EEFSEC: variants seen among roughly 807,000 people sequenced by gnomAD.
EEFSEC encodes the protein selenocysteine-specific elongation factor.
EEFSEC carries 43 observed loss-of-function variants against 42.1 expected under a neutral mutation model. That is an observed-to-expected ratio of 1.02 (90% CI 0.80 to 1.32). The LOEUF (loss-of-function observed/expected upper bound fraction) is 1.32. Ranked by LOEUF, EEFSEC falls within the 40% of genes most tolerant of loss-of-function variation. The pLI, the probability that EEFSEC is intolerant of heterozygous loss-of-function variation, is 0.00. For synonymous variants in EEFSEC, 354 were observed against 339.1 expected (o/e 1.04, Z -0.48); for missense variants, 745 against 803.6 (o/e 0.93, Z 0.88).
chr3:128,203,972 T>C (rs1456330358), intron 1 of EEFSEC, among the ~76,000 whole-genome samples: 1 of 152,240 alleles, frequency 6.6e-6, no homozygotes, highest in Non-Finnish European at 1.5e-5. Context: ...ATTAGATAGT[T>C]CTCTAAGTGG....
chr3:128,153,863 G>A (rs1439030336), intron 1 of EEFSEC, 40 bp downstream of exon 1: 1 of 1,462,812 alleles, frequency 6.8e-7, no homozygotes, highest in Non-Finnish European at 8.9e-7. Flanking sequence ...TCAGGGACGC[G>A]GGCGGAGCGA....
intron 6 of EEFSEC, among the ~76,000 whole-genome samples, chr3:128,405,588 C>T (rs1294918276): frequency 1.3e-5 from 2 of 152,252 alleles, no homozygotes; most frequent in African/African-American, 4.8e-5. Flanking sequence ...CAGAAATAAC[C>T]CACACAGCCC....
At chr3:128,401,653 G>A (rs1178756392) in intron 6 of EEFSEC, among the ~76,000 whole-genome samples, 1 of 152,160 alleles carries the variant, frequency 6.6e-6, no homozygotes, top group Non-Finnish European at 1.5e-5. Flanking sequence ...TGAGAGAGAG[G>A]CCAGAAAGAG....
At chr3:128,155,426 A>C (rs979237670) in intron 1 of EEFSEC, among the ~76,000 whole-genome samples, 1 of 152,162 alleles carries the variant, frequency 6.6e-6, no homozygotes, top group African/African-American at 2.4e-5. Flanking sequence ...GACCATTATT[A>C]TACCTTTGTG....
Position 128,334,268 on chromosome 3 carries a change from GGA to G in EEFSEC, c.787-6963_787-6962del, listed in dbSNP as rs368321117. 2.1e-4 allele frequency among the ~76,000 whole-genome samples: 32 copies of G among 152,376 alleles called. No individual in the cohort carries two copies. In the South Asian group the frequency reaches 6.4e-3, roughly 31 times the overall value. The stretch of plus-strand genomic sequence containing the variant: ...GATGTGAGAGTCACACTGGTGGCGA[GGA>G]GTCCCCTGTCTTGAGTCTTCCCTCT... On this transcript the variant is annotated intron_variant, in intron 4 of 6. Coordinates refer to ENST00000254730, the MANE Select transcript of EEFSEC (RefSeq NM_021937.5).
At chr3:128,240,184 G>A (rs1478547540) in intron 1 of EEFSEC, among the ~76,000 whole-genome samples, 1 of 152,190 alleles carries the variant, frequency 6.6e-6, no homozygotes, top group Non-Finnish European at 1.5e-5. Flanking sequence ...TTGTCCACTT[G>A]TGTTTGCCTG....
intron 4 of EEFSEC, among the ~76,000 whole-genome samples, chr3:128,333,272 T>A (rs1576645828): frequency 6.6e-6 from 1 of 152,334 alleles, no homozygotes; most frequent in African/African-American, 2.4e-5. Flanking sequence ...CACTCAAGCA[T>A]CTGTTGATTC....
intron 4 of EEFSEC, among the ~76,000 whole-genome samples, chr3:128,293,528 G>T (rs930572774): frequency 2.0e-5 from 3 of 151,928 alleles, no homozygotes; most frequent in African/African-American, 7.3e-5. Flanking sequence ...AGGCGTGGTG[G>T]CATGTGCCTG....
chr3:128,393,937 G>A (rs577792272), intron 6 of EEFSEC, among the ~76,000 whole-genome samples: 3 of 152,276 alleles, frequency 2.0e-5, no homozygotes, highest in Admixed American at 6.5e-5. Context: ...GTGGACACAC[G>A]GCCAGTGGGT....
rs985742439 is a variant in EEFSEC, at chr3:128,153,597, A to G, written c.90A>G (p.Thr30=). 3.1e-6 allele frequency: 5 copies of G among 1,588,394 alleles called. No homozygotes were observed. The Admixed American group carries it at 6.8e-5, about 22-fold the overall frequency. ...KTALARALST[T]ASTAAFDKQP... is the part of the protein sequence containing the mutation. Reference sequence around the variant, plus strand: ...CGCTGGCGCGGGCGCTAAGCACCACAGCCTCCACCGCCGCCTTTGACAAGC... The same window carrying G: ...CGCTGGCGCGGGCGCTAAGCACCACGGCCTCCACCGCCGCCTTTGACAAGC... Residue 30 remains threonine (T), a synonymous_variant, in exon 1 of 7, where the codon ACA becomes ACG. Transcript: ENST00000254730.
rs200222316 is a variant in EEFSEC at position 128,358,363 on chromosome 3, C to G, written c.1590C>G (p.Ile530Met). Residue 530 changes from isoleucine to methionine, a missense_variant, in exon 6 of 7, where the codon ATC becomes ATG. By Grantham distance (10) the Ile-to-Met change is conservative. Transcript: ENST00000254730. ...TCGGCCAGAGCGGCAAGTTCAAGAT[C>G]CACATCCCAGGTAAGTGCAGCCACT... Reference protein sequence around the residue: ...SAFGQSGKFKIHIPGGLSPES... With the variant: ...SAFGQSGKFKMHIPGGLSPES... The G allele has an allele frequency of 1.2e-6, 2 of 1,614,114 alleles. No homozygotes were observed. The highest frequency in any genetic ancestry group is 3.3e-5 in the Admixed American group (2 of 60,006).
the EEFSEC span, among the ~76,000 whole-genome samples, chr3:128,418,638 C>G: frequency 6.6e-6 from 1 of 151,432 alleles, no homozygotes; most frequent in Non-Finnish European, 1.5e-5. Flanking sequence ...TCTGCTCACA[C>G]CCCAACTCTG....
At chr3:128,227,095 C>T (rs1030774264) in intron 1 of EEFSEC, among the ~76,000 whole-genome samples, 2 of 152,238 alleles carry the variant, frequency 1.3e-5, no homozygotes, top group African/African-American at 2.4e-5. Flanking sequence ...CTTCACAGTG[C>T]AGTGTGTTCC....
chr3:128,162,999 G>A (rs536201273), intron 1 of EEFSEC, among the ~76,000 whole-genome samples: 4 of 152,206 alleles, frequency 2.6e-5, no homozygotes, highest in South Asian at 2.1e-4. Context: ...AATAGGATTC[G>A]GGCAGGCATC....
At chr3:128,305,587 A>G (rs1487076098) in intron 4 of EEFSEC, among the ~76,000 whole-genome samples, 1 of 152,204 alleles carries the variant, frequency 6.6e-6, no homozygotes, top group East Asian at 1.9e-4. Flanking sequence ...ATTTTGACAT[A>G]ACATTTTCCT....
At chr3:128,162,798 C>T (rs1319720285) in intron 1 of EEFSEC, among the ~76,000 whole-genome samples, 1 of 152,148 alleles carries the variant, frequency 6.6e-6, no homozygotes, top group African/African-American at 2.4e-5. Context: ...AATGCAAAGA[C>T]TCTGGCTTCT....
rs970122425 is a variant in EEFSEC at position 128,289,243 on chromosome 3, C to T, written c.786+24462C>T. Among the ~76,000 whole-genome samples, 4 of 152,304 alleles carry T rather than the reference C, an allele frequency of 2.6e-5. No homozygotes were observed. The East Asian group carries it at 7.7e-4, about 29-fold the overall frequency. ...TAAATGCTGATTCCTGGGACAGTTC[C>T]AAATATAGGTTCCCCACTCCCGCTT... is the stretch of plus-strand genomic sequence containing the variant. On this transcript the variant is annotated intron_variant, in intron 4 of 6. Coordinates refer to ENST00000254730, the MANE Select transcript of EEFSEC (RefSeq NM_021937.5).
rs1363405316 is a variant in EEFSEC, at chr3:128,317,280, C to G, written c.787-23953C>G. Among the ~76,000 whole-genome samples, 3 of 152,170 alleles carry G rather than the reference C, an allele frequency of 2.0e-5. No individual in the cohort carries two copies. Among genetic ancestry groups the G allele is most frequent in the Non-Finnish European group, 2.9e-5 (2 of 68,020 alleles). ...CAGGCCAGGAGAACCCGTGGGTTTT[C>G]TTCCTTCATACACACGGTGTGCTCA... On this transcript the variant is annotated intron_variant, in intron 4 of 6. Transcript: ENST00000254730. The surrounding 1 kb of genome is among the most constrained non-coding windows in gnomAD (Gnocchi z 4.1).
chr3:128,297,739 A>G (rs1386354096), intron 4 of EEFSEC, among the ~76,000 whole-genome samples: 1 of 145,654 alleles, frequency 6.9e-6, no homozygotes, highest in Admixed American at 7.1e-5. Context: ...AAAATTAGAT[A>G]TTTTTTGAAA....
Sources: gnomAD v4.1 joint callset for allele counts (sites outside exome capture counted in the v4.1 genomes callset) on GRCh38, gnomAD v4.1.1 for gene constraint, Gnocchi (gnomAD v3.1) non-coding constraint, MANE v1.5 for transcripts, NCBI Gene and HGNC (gene_info 2026-07-23, HGNC 2026-07-21) for gene names.